ACBD6: variants seen among roughly 807,000 people sequenced by gnomAD.
The protein encoded by ACBD6 is acyl-CoA binding domain containing 6, also known as acyl-CoA-binding domain-containing protein 6.
In ACBD6, 28 loss-of-function variants were observed where a neutral mutation model predicts 37.2. That is an observed-to-expected ratio of 0.75 (90% CI 0.56 to 1.03). ACBD6 has a LOEUF of 1.03. ACBD6 is among the 50% of genes least tolerant of loss of function. The pLI, the probability that ACBD6 is intolerant of heterozygous loss-of-function variation, is 0.00. For synonymous variants in ACBD6, 113 were observed against 126.8 expected (o/e 0.89, Z 0.73); for missense variants, 340 against 337.4 (o/e 1.01, Z -0.06).
chr1:180,502,361 C>G lies in ACBD6; in HGVS notation c.-95G>C. 2 of 1,374,690 alleles carry G rather than the reference C, an allele frequency of 1.5e-6. No individual in the cohort carries two copies. The highest frequency in any genetic ancestry group is 2.0e-6 in the Non-Finnish European group (2 of 984,216). 85.2% of individuals were successfully genotyped at this position (1,374,690 alleles called of 1,614,324 possible). A position where few individuals can be genotyped will look rare whatever the true frequency, so the allele number is the denominator to read the frequency against. On this transcript the variant is annotated 5_prime_UTR_variant, in exon 1 of 8. Transcript: ENST00000367595. ...AGGCCTGGCCCACCAGTCTGGGTCG[C>G]GAGCCTGAGCTCCAGTCGGACCCAA...
intron 7 of ACBD6, among the ~76,000 whole-genome samples, chr1:180,314,296 G>A (rs909744811): frequency 1.3e-5 from 2 of 152,126 alleles, no homozygotes; most frequent in African/African-American, 4.8e-5. Flanking sequence ...CCAGGCTGGA[G>A]TGCAGTGGTG....
At chr1:180,298,749 A>G (rs1448850196) in intron 7 of ACBD6, among the ~76,000 whole-genome samples, 1 of 152,278 alleles carries the variant, frequency 6.6e-6, no homozygotes, top group African/African-American at 2.4e-5. Context: ...AGAGCAAGAA[A>G]TATGGCATTC....
At chr1:180,449,221 T>TA (rs1649598619) in intron 3 of ACBD6, among the ~76,000 whole-genome samples, 1 of 152,230 alleles carries the variant, frequency 6.6e-6, no homozygotes, top group Non-Finnish European at 1.5e-5. Flanking sequence ...TACCAAAGTA[T>TA]GAATACTATT....
chr1:180,404,450 AT>A (rs1228906954), intron 5 of ACBD6, among the ~76,000 whole-genome samples: 7 of 151,998 alleles, frequency 4.6e-5, no homozygotes, highest in African/African-American at 1.7e-4. Context: ...TGTGAAAAAA[AT>A]ATATATATAC....
At chr1:180,286,227 T>A (rs2149275621), downstream of ACBD6, among the ~76,000 whole-genome samples, 1 of 152,314 alleles carries the variant, frequency 6.6e-6, no homozygotes, top group African/African-American at 2.4e-5. Context: ...AAATGTTAAG[T>A]TGATGGCTGT....
At chr1:180,344,569 A>G (rs1459110070) in intron 6 of ACBD6, among the ~76,000 whole-genome samples, 1 of 152,258 alleles carries the variant, frequency 6.6e-6, no homozygotes, top group Non-Finnish European at 1.5e-5. Context: ...AGTGCTACAG[A>G]GTTGAGACTT....
chr1:180,303,434 A>T lies in ACBD6; in HGVS notation c.694+11258T>A, dbSNP rs1650217648. 4.6e-5 allele frequency among the ~76,000 whole-genome samples: 7 copies of T among 151,138 alleles called. No homozygotes were observed. The South Asian group carries it at 1.1e-3, about 23-fold the overall frequency. The stretch of plus-strand genomic sequence containing the variant: ...AATGATAAAGGGGACATCACCACCA[A>T]TCCCGCAGAAATACAAACTACCATC... On this transcript the variant is annotated intron_variant, in intron 7 of 7. Coordinates refer to ENST00000367595, the MANE Select transcript of ACBD6 (RefSeq NM_032360.4).
chr1:180,299,776 T>C (rs185288638), intron 7 of ACBD6, among the ~76,000 whole-genome samples: 1 of 151,904 alleles, frequency 6.6e-6, no homozygotes, highest in Admixed American at 6.6e-5. Flanking sequence ...GTATTCCCAG[T>C]GGAGGAAGAG....
At chr1:180,391,948 C>T (rs1462466210) in intron 6 of ACBD6, among the ~76,000 whole-genome samples, 1 of 152,082 alleles carries the variant, frequency 6.6e-6, no homozygotes, top group Non-Finnish European at 1.5e-5. Flanking sequence ...CTGGTATATA[C>T]ACGCAATGAA....
At chr1:180,441,416 C>CT (rs1649275202) in intron 3 of ACBD6, among the ~76,000 whole-genome samples, 3 of 152,176 alleles carry the variant, frequency 2.0e-5, no homozygotes, top group African/African-American at 7.2e-5. Context: ...TTTTTCAATA[C>CT]TTTGACTATT....
chr1:180,274,566 A>G (rs200187045), intron 10 of ACBD6: 4 of 1,579,494 alleles, frequency 2.5e-6, no homozygotes, highest in Non-Finnish European at 3.4e-6. Flanking sequence ...GAAATGGATC[A>G]TCCTCCTTTT....
intron 6 of ACBD6, among the ~76,000 whole-genome samples, chr1:180,395,351 T>C (rs2101947975): frequency 6.6e-6 from 1 of 152,312 alleles, no homozygotes; most frequent in South Asian, 2.1e-4. Flanking sequence ...GTGATAAACA[T>C]TTATTCTACT....
chr1:180,385,062 G>A (rs1037457018), intron 6 of ACBD6, among the ~76,000 whole-genome samples: 1 of 152,096 alleles, frequency 6.6e-6, no homozygotes, highest in African/African-American at 2.4e-5. Flanking sequence ...CATACAGTTA[G>A]ATAGAAGGTA....
intron 3 of ACBD6, among the ~76,000 whole-genome samples, chr1:180,449,515 C>T (rs1649613693): frequency 6.6e-6 from 1 of 151,042 alleles, no homozygotes; most frequent in Non-Finnish European, 1.5e-5. Context: ...TCAAGTGATT[C>T]TCCTGCCTCA....
chr1:180,421,409 G>T (rs540193358), intron 4 of ACBD6, among the ~76,000 whole-genome samples: 5 of 152,240 alleles, frequency 3.3e-5, no homozygotes, highest in African/African-American at 7.2e-5. Context: ...ATTGATGGGT[G>T]TTTAGGTTGA....
At chr1:180,289,077 G>T (rs1292065633) in intron 7 of ACBD6, among the ~76,000 whole-genome samples, 1 of 144,524 alleles carries the variant, frequency 6.9e-6, no homozygotes, top group South Asian at 2.1e-4. Flanking sequence ...GGGTGTAACT[G>T]ATAAGTTCAA....
intron 4 of ACBD6, among the ~76,000 whole-genome samples, chr1:180,415,983 A>AT (rs1451180240): frequency 1.3e-5 from 2 of 152,230 alleles, no homozygotes; most frequent in Non-Finnish European, 2.9e-5. Context: ...AGGCACAGAG[A>AT]TATTAACAAA....
intron 6 of ACBD6, among the ~76,000 whole-genome samples, chr1:180,372,800 C>G (rs1259154163): frequency 1.3e-5 from 2 of 152,154 alleles, no homozygotes; most frequent in Non-Finnish European, 2.9e-5. Flanking sequence ...GACTGAACAT[C>G]AGCAAGAACC....
At chr1:180,448,430 T>A (rs1330374851) in intron 3 of ACBD6, among the ~76,000 whole-genome samples, 1 of 152,190 alleles carries the variant, frequency 6.6e-6, no homozygotes, top group African/African-American at 2.4e-5. Flanking sequence ...CTCCCTTTTC[T>A]ATTGTTTTCA....
Sources: gnomAD v4.1 joint callset for allele counts (sites outside exome capture counted in the v4.1 genomes callset) on GRCh38, gnomAD v4.1.1 for gene constraint, MANE v1.5 for transcripts, NCBI Gene and HGNC (gene_info 2026-07-23, HGNC 2026-07-21) for gene names.